C12orf42: variants seen among roughly 807,000 people sequenced by gnomAD.
C12orf42 encodes uncharacterized protein C12orf42.
A neutral mutation model predicts 21.6 loss-of-function variants in C12orf42; 25 were observed. That is an observed-to-expected ratio of 1.16 (90% CI 0.84 to 1.62). C12orf42 has a LOEUF of 1.62. C12orf42 is among the 40% of genes most tolerant of loss of function. The probability of loss-of-function intolerance (pLI) is 0.00; values close to 1 mark genes in which losing one functional copy is unlikely to be tolerated. For missense variants in C12orf42, 483 were observed against 459.3 expected, an observed-to-expected ratio of 1.05 and a Z score of -0.47; for synonymous variants, 174 against 175.0, an observed-to-expected ratio of 0.99 and a Z score of 0.05.
At chr12:103,429,893 G>A (rs1297830450) in intron 2 of C12orf42, among the ~76,000 whole-genome samples, 1 of 152,110 alleles carries the variant, frequency 6.6e-6, no homozygotes, top group Non-Finnish European at 1.5e-5. Context: ...TTAATAAATG[G>A]TGTTGGGAAA....
At chr12:103,416,424 A>G (rs1281842949) in intron 2 of C12orf42, among the ~76,000 whole-genome samples, 5 of 152,102 alleles carry the variant, frequency 3.3e-5, no homozygotes, top group African/African-American at 1.2e-4. Context: ...GAGCCTGGAA[A>G]TCCAGTGATG....
intron 4 of C12orf42, among the ~76,000 whole-genome samples, chr12:103,326,975 C>T (rs1157049542): frequency 1.3e-5 from 2 of 152,152 alleles, no homozygotes; most frequent in Non-Finnish European, 1.5e-5. Flanking sequence ...ATACATATTG[C>T]TAGAAATTGC....
intron 2 of C12orf42, among the ~76,000 whole-genome samples, chr12:103,419,944 T>A (rs1399771040): frequency 6.6e-6 from 1 of 152,240 alleles, no homozygotes; most frequent in Non-Finnish European, 1.5e-5. Flanking sequence ...TGATTAATTG[T>A]ATAAAATTAT....
chr12:103,146,600 GAA>G, the C12orf42 span, among the ~76,000 whole-genome samples: 3 of 149,994 alleles, frequency 2.0e-5, no homozygotes, highest in African/African-American at 7.4e-5. Context: ...AAGAAAGAAA[GAA>G]AGAAAGAAAA....
the C12orf42 span, among the ~76,000 whole-genome samples, chr12:103,123,421 C>A: frequency 6.6e-6 from 1 of 152,160 alleles, no homozygotes; most frequent in South Asian, 2.1e-4. Context: ...GTTGTCCCCA[C>A]TTTGGGTCAG....
chr12:103,281,318 G>A (rs1437219966), intron 4 of C12orf42, among the ~76,000 whole-genome samples: 1 of 152,144 alleles, frequency 6.6e-6, no homozygotes, highest in Admixed American at 6.5e-5. Flanking sequence ...GCATAAACAT[G>A]GGAATTATAA....
intron 4 of C12orf42, among the ~76,000 whole-genome samples, chr12:103,285,501 A>G (rs1205390111): frequency 6.6e-6 from 1 of 152,248 alleles, no homozygotes; most frequent in Non-Finnish European, 1.5e-5. Context: ...CCATTAAATT[A>G]TAAATATACA....
At chr12:103,331,946 A>C (rs2137063769) in intron 4 of C12orf42, among the ~76,000 whole-genome samples, 1 of 152,340 alleles carries the variant, frequency 6.6e-6, no homozygotes, top group Non-Finnish European at 1.5e-5. Flanking sequence ...GAACAGGGGA[A>C]AATGTACAGC....
chr12:103,391,189 A>G (rs1350464347), intron 3 of C12orf42, among the ~76,000 whole-genome samples: 4 of 151,884 alleles, frequency 2.6e-5, no homozygotes, highest in Non-Finnish European at 4.4e-5. Context: ...TTATCCATTC[A>G]CCTATTGATG....
At chr12:103,319,782 A>C (rs1464393055) in intron 4 of C12orf42, among the ~76,000 whole-genome samples, 1 of 152,202 alleles carries the variant, frequency 6.6e-6, no homozygotes, top group African/African-American at 2.4e-5. Flanking sequence ...GTGCAGGGCT[A>C]TTTGGGTCAT....
the C12orf42 span, among the ~76,000 whole-genome samples, chr12:103,508,074 T>A: frequency 2.0e-5 from 3 of 152,198 alleles, no homozygotes; most frequent in Non-Finnish European, 4.4e-5. Flanking sequence ...ATGAGTCCAA[T>A]ATCTTATTTT....
intron 10 of C12orf42, among the ~76,000 whole-genome samples, chr12:103,239,245 T>A (rs534666651): frequency 1.1e-4 from 17 of 152,344 alleles, no homozygotes; most frequent in Admixed American, 1.3e-4. Context: ...CCTATTGTTA[T>A]AATCATTGTC....
chr12:103,200,766 ATAAC>A, the C12orf42 span, among the ~76,000 whole-genome samples: 1 of 152,246 alleles, frequency 6.6e-6, no homozygotes, highest in Non-Finnish European at 1.5e-5. Flanking sequence ...ACAACTAAAT[ATAAC>A]TAAGTTTTAG....
At chr12:103,227,831 C>T in the C12orf42 span, among the ~76,000 whole-genome samples, 1 of 152,100 alleles carries the variant, frequency 6.6e-6, no homozygotes, top group Admixed American at 6.5e-5. Context: ...AATGTGTCTC[C>T]TTTGTCTCTC....
chr12:103,540,587 C>G, the C12orf42 span, among the ~76,000 whole-genome samples: 1 of 152,156 alleles, frequency 6.6e-6, no homozygotes, highest in East Asian at 1.9e-4. Flanking sequence ...GCCTTCAGGT[C>G]TAAAATTATT....
the C12orf42 span, among the ~76,000 whole-genome samples, chr12:103,177,977 C>T: frequency 6.6e-6 from 1 of 152,118 alleles, no homozygotes; most frequent in African/African-American, 2.4e-5. Flanking sequence ...TGTTTCCTTT[C>T]TAAAGTTACA....
intron 2 of C12orf42, among the ~76,000 whole-genome samples, chr12:103,451,829 C>T (rs12816735): frequency 3.3e-5 from 5 of 151,844 alleles, no homozygotes; most frequent in African/African-American, 1.2e-4. Context: ...GGTTTTGCAG[C>T]CAGTTTGCTT....
chr12:103,426,388 A>C (rs1470989380), intron 2 of C12orf42, among the ~76,000 whole-genome samples: 2 of 152,228 alleles, frequency 1.3e-5, no homozygotes, highest in African/African-American at 4.8e-5. Context: ...TAATGAAATA[A>C]AGTGTGAAAA....
At chr12:103,120,317 T>C in the C12orf42 span, among the ~76,000 whole-genome samples, 2 of 152,148 alleles carry the variant, frequency 1.3e-5, no homozygotes, top group Non-Finnish European at 2.9e-5. Context: ...GTGAGCATTG[T>C]GGAAGGCCTT....
Sources: allele counts gnomAD v4.1 joint callset (sites outside exome capture counted in the v4.1 genomes callset), GRCh38; gene constraint gnomAD v4.1.1; transcripts MANE v1.5; gene names NCBI Gene and HGNC (gene_info 2026-07-23, HGNC 2026-07-21).